Variants in TAF2 observed in about 807,000 individuals in gnomAD.
The protein encoded by TAF2 is TATA-box binding protein associated factor 2.
In TAF2, 61 loss-of-function variants were observed where a neutral mutation model predicts 138.5. The ratio of observed to expected loss-of-function variants is 0.44; its 90% confidence interval spans 0.36 to 0.54. TAF2 has a LOEUF of 0.54. Ranked by LOEUF, TAF2 falls within the 20% of genes least tolerant of loss-of-function variation. The pLI is 0.00. For synonymous variants in TAF2, 475 were observed against 469.9 expected (o/e 1.01, Z -0.14); for missense variants, 1,090 against 1,427.9 (o/e 0.76, Z 3.81).
intron 24 of TAF2, among the ~76,000 whole-genome samples, chr8:119,743,360 G>A (rs1482918526): frequency 6.7e-6 from 1 of 148,534 alleles, no homozygotes; most frequent in African/African-American, 2.5e-5. Flanking sequence ...AAAAGCAACA[G>A]AATGAAATTA....
chr8:119,783,724 G>A, intron 15 of TAF2, 91 bp from the exon 16 acceptor site: 1 of 1,461,444 alleles, frequency 6.8e-7, no homozygotes, highest in Non-Finnish European at 9.2e-7. Context: ...TATTTACCAG[G>A]TTTCCTTTTA....
At chr8:119,780,941 A>T (rs1401839428) in intron 17 of TAF2, 112 bp downstream of exon 17, 14 of 1,170,560 alleles carry the variant, frequency 1.2e-5, no homozygotes, top group Non-Finnish European at 1.6e-5. Context: ...TCTCAAAAAA[A>T]AAAAAAAAAA....
chr8:119,771,331 G>A (rs1183071238), intron 18 of TAF2, among the ~76,000 whole-genome samples: 1 of 151,950 alleles, frequency 6.6e-6, no homozygotes, highest in African/African-American at 2.4e-5. Flanking sequence ...CCCGTCCTAG[G>A]TTCAAGTGAC....
At chr8:119,754,826 T>G (rs1820589810) in intron 22 of TAF2, among the ~76,000 whole-genome samples, 1 of 152,118 alleles carries the variant, frequency 6.6e-6, no homozygotes, top group Non-Finnish European at 1.5e-5. Context: ...ATCACAGACA[T>G]AAGGCAAATT....
At chr8:119,733,626 T>C (rs189567857) in intron 25 of TAF2, among the ~76,000 whole-genome samples, 32 of 152,326 alleles carry the variant, frequency 2.1e-4, no homozygotes, top group African/African-American at 7.5e-4. Flanking sequence ...CCTTGGGCCA[T>C]ACTCTGAGAA....
intron 1 of TAF2, 76 bp from the exon 2 acceptor site, chr8:119,831,807 G>A: frequency 1.0e-6 from 1 of 992,940 alleles, no homozygotes; most frequent in South Asian, 1.8e-5. Flanking sequence ...TTCTATCCAA[G>A]TATAAATTAG....
chr8:119,746,985 A>C, intron 22 of TAF2, 51 bp from the exon 23 acceptor site: 1 of 1,559,530 alleles, frequency 6.4e-7, no homozygotes, highest in Non-Finnish European at 8.8e-7. Flanking sequence ...TGATTCATAC[A>C]TTTTAACTGT....
At chr8:119,807,586 A>C (rs2131224282) in intron 3 of TAF2, among the ~76,000 whole-genome samples, 1 of 152,316 alleles carries the variant, frequency 6.6e-6, no homozygotes, top group East Asian at 1.9e-4. Context: ...CACAAGGTGA[A>C]ATTAGTGACA....
chr8:119,808,482 T>A (rs900663596), intron 3 of TAF2, among the ~76,000 whole-genome samples: 10 of 152,200 alleles, frequency 6.6e-5, no homozygotes, highest in Admixed American at 4.6e-4. Context: ...CAAACCCTTG[T>A]TCATGTTGAT....
At chr8:119,779,751 A>C (rs1357619790) in intron 17 of TAF2, among the ~76,000 whole-genome samples, 4 of 152,106 alleles carry the variant, frequency 2.6e-5, no homozygotes, top group Non-Finnish European at 4.4e-5. Flanking sequence ...CTTGCCTAAC[A>C]TTCCCCTCAA....
In TAF2 at chr8:119,788,406, G is replaced by A; in HGVS notation, c.1725C>T (p.Phe575=). 3 of 1,613,284 alleles carry A rather than the reference G, an allele frequency of 1.9e-6. No individual in the cohort carries two copies. Among genetic ancestry groups the A allele is most frequent in the South Asian group, 1.1e-5 (1 of 91,058 alleles). The change falls in exon 14 of 26, where the codon TTC becomes TTT. Residue 575 remains phenylalanine, a synonymous_variant. Transcript: ENST00000378164. Reference sequence around the variant, plus strand: ...TTTCTTCAATTTGCAGTGTATGATTGAAGGATCCATCTAACTCCTGCACTG... The same window carrying A: ...TTTCTTCAATTTGCAGTGTATGATTAAAGGATCCATCTAACTCCTGCACTG... ...KVTVQELDGS[F]NHTLQIEENS... is the part of the protein sequence containing the mutation.
At chr8:119,765,802 C>T (rs983015117) in intron 18 of TAF2, among the ~76,000 whole-genome samples, 2 of 152,158 alleles carry the variant, frequency 1.3e-5, no homozygotes, top group African/African-American at 4.8e-5. Context: ...GGTAACATAA[C>T]TGTCGGGATT....
intron 6 of TAF2, among the ~76,000 whole-genome samples, chr8:119,800,668 C>T (rs540547117): frequency 2.6e-5 from 4 of 152,272 alleles, no homozygotes; most frequent in African/African-American, 7.2e-5. Flanking sequence ...GTTAAGACAA[C>T]GTAAGCAAAA....
chr8:119,791,114 TA>T (rs1306636956), intron 11 of TAF2, among the ~76,000 whole-genome samples: 2 of 152,160 alleles, frequency 1.3e-5, no homozygotes, highest in African/African-American at 4.8e-5. Flanking sequence ...ACATTCTAAT[TA>T]TATCTTCATA....
At chr8:119,797,383 T>C (rs996695267) in intron 7 of TAF2, among the ~76,000 whole-genome samples, 1 of 152,098 alleles carries the variant, frequency 6.6e-6, no homozygotes, top group African/African-American at 2.4e-5. Context: ...CAATAATTTG[T>C]ACAATTTTTA....
rs183980842 is a variant in TAF2 at position 119,815,571 on chromosome 8, G to A, written c.299+3775C>T. Reference sequence around the variant, plus strand: ...TTTAAAGGCGTGAGCCACTGCACCCGGCCGAGACTTGGTCTTAAAAAAAAA... The same window carrying A: ...TTTAAAGGCGTGAGCCACTGCACCCAGCCGAGACTTGGTCTTAAAAAAAAA... On this transcript the variant is annotated intron_variant, in intron 3 of 25. Transcript: ENST00000378164. Among the ~76,000 whole-genome samples, 4 of 151,814 alleles carry A rather than the reference G, an allele frequency of 2.6e-5. No homozygotes were observed. In the East Asian group the frequency reaches 5.9e-4, roughly 22 times the overall value.
At chr8:119,739,731 CT>C (rs1819471117) in intron 25 of TAF2, among the ~76,000 whole-genome samples, 1 of 150,358 alleles carries the variant, frequency 6.7e-6, no homozygotes, top group Non-Finnish European at 1.5e-5. Context: ...AAGCCTTGTC[CT>C]GAGGAACAGC....
At chr8:119,774,450 A>G in intron 18 of TAF2, among the ~76,000 whole-genome samples, 1 of 151,752 alleles carries the variant, frequency 6.6e-6, no homozygotes, top group African/African-American at 2.4e-5. Flanking sequence ...TTCATAAACA[A>G]ATTCATAAAC....
At chr8:119,740,256 C>T (rs1819503966) in intron 25 of TAF2, among the ~76,000 whole-genome samples, 1 of 152,114 alleles carries the variant, frequency 6.6e-6, no homozygotes, top group South Asian at 2.1e-4. Context: ...AATCTTCTCA[C>T]AGAAACGTTG....
Sources: allele counts gnomAD v4.1 joint callset (sites outside exome capture counted in the v4.1 genomes callset), GRCh38; gene constraint gnomAD v4.1.1; transcripts MANE v1.5; gene names NCBI Gene and HGNC (gene_info 2026-07-23, HGNC 2026-07-21).